TIAM1: variants seen among roughly 807,000 people sequenced by gnomAD.
The protein encoded by TIAM1 is TIAM Rac1 associated GEF 1, also known as rho guanine nucleotide exchange factor TIAM1.
A neutral mutation model predicts 163.5 loss-of-function variants in TIAM1; 65 were observed. That is an observed-to-expected ratio of 0.40 (90% CI 0.33 to 0.49). TIAM1 has a LOEUF of 0.49. Ranked by LOEUF, TIAM1 falls within the 20% of genes least tolerant of loss-of-function variation. TIAM1 has a pLI of 0.77. For missense variants in TIAM1, 1,789 were observed against 2,044.7 expected (o/e 0.87, Z 2.41); for synonymous variants, 833 against 810.1 (o/e 1.03, Z -0.48).
intron 12 of TIAM1, among the ~76,000 whole-genome samples, chr21:31,197,533 G>A (rs2085929044): frequency 1.7e-5 from 2 of 116,760 alleles, no homozygotes; most frequent in African/African-American, 8.1e-5. Context: ...CCGCCACCGC[G>A]CCCGGCTTTT....
At chr21:31,241,923 T>C (rs565637110) in intron 6 of TIAM1, among the ~76,000 whole-genome samples, 45 of 152,102 alleles carry the variant, frequency 3.0e-4, no homozygotes, top group Non-Finnish European at 4.7e-4. Flanking sequence ...GGTGGGAAGA[T>C]TGCTTGAGTC....
At chr21:31,348,787 A>G (rs1396609218), upstream of TIAM1, among the ~76,000 whole-genome samples, 1 of 152,196 alleles carries the variant, frequency 6.6e-6, no homozygotes, top group African/African-American at 2.4e-5. Context: ...AACAAGGTTC[A>G]CCTTTCTAGG....
chr21:31,347,485 T>G (rs932792056), upstream of TIAM1, among the ~76,000 whole-genome samples: 1 of 152,212 alleles, frequency 6.6e-6, no homozygotes, highest in Non-Finnish European at 1.5e-5. Flanking sequence ...AACCTGCAGT[T>G]CTGAAAGCCA....
chr21:31,546,055 A>G (rs1462094395), intron 1 of TIAM1, among the ~76,000 whole-genome samples: 1 of 137,916 alleles, frequency 7.3e-6, no homozygotes, highest in Non-Finnish European at 1.5e-5. Flanking sequence ...AAGAGAAAAA[A>G]ATTGTTTTAA....
At chr21:31,474,052 A>G (rs1394969338) in intron 1 of TIAM1, among the ~76,000 whole-genome samples, 1 of 152,160 alleles carries the variant, frequency 6.6e-6, no homozygotes. Context: ...TCACAAGGCG[A>G]GAGAGAGCGC....
intron 1 of TIAM1, among the ~76,000 whole-genome samples, chr21:31,530,783 A>G (rs1262626434): frequency 6.6e-6 from 1 of 152,294 alleles, no homozygotes; most frequent in East Asian, 1.9e-4. Flanking sequence ...TGGGCAGGCA[A>G]TGTTTCTGGA....
At chr21:31,182,895 A>G (rs1011715120) in intron 14 of TIAM1, among the ~76,000 whole-genome samples, 26 of 152,178 alleles carry the variant, frequency 1.7e-4, no homozygotes, top group Admixed American at 6.5e-4. Flanking sequence ...TTACTCCTTC[A>G]TTAATTTGTG....
intron 1 of TIAM1, among the ~76,000 whole-genome samples, chr21:31,507,169 C>T (rs764450937): frequency 3.6e-4 from 35 of 98,376 alleles, no homozygotes; most frequent in Middle Eastern, 0.013. Flanking sequence ...GAGGTGCATG[C>T]ACCTTTTTAA....
intron 1 of TIAM1, among the ~76,000 whole-genome samples, chr21:31,478,482 G>A (rs1410180764): frequency 2.0e-5 from 3 of 152,302 alleles, no homozygotes; most frequent in African/African-American, 2.4e-5. Flanking sequence ...AAGTCACATC[G>A]TAATACATAT....
intron 2 of TIAM1, among the ~76,000 whole-genome samples, chr21:31,394,694 TCTCTCTCTCTCTCG>T (rs1413726976): frequency 1.6e-5 from 2 of 128,878 alleles, no homozygotes; most frequent in Admixed American, 1.6e-4. Flanking sequence ...TCATTCTCTC[TCTCTCTCTCTCTCG>T]CTCTCTCTCT....
intron 6 of TIAM1, among the ~76,000 whole-genome samples, chr21:31,240,681 C>A (rs1371696791): frequency 6.6e-6 from 1 of 152,162 alleles, no homozygotes; most frequent in Admixed American, 6.5e-5. Context: ...CTCTTCACTC[C>A]AGGGGGTGCT....
At chr21:31,126,593 T>A (rs2082209473) in intron 26 of TIAM1, among the ~76,000 whole-genome samples, 1 of 151,606 alleles carries the variant, frequency 6.6e-6, no homozygotes, top group African/African-American at 2.4e-5. Flanking sequence ...AATATATATA[T>A]AAATAAAAGC....
intron 7 of TIAM1, among the ~76,000 whole-genome samples, chr21:31,224,307 T>G (rs1194781503): frequency 1.3e-5 from 2 of 152,178 alleles, no homozygotes; most frequent in Non-Finnish European, 2.9e-5. Flanking sequence ...TGTACACACA[T>G]GTTCATAGCA....
rs747236510 is a variant in TIAM1, at chr21:31,266,523, A to C, written c.450T>G (p.His150Gln). The C allele has an allele frequency of 6.2e-7, 1 of 1,614,132 alleles. No homozygotes were observed. The highest frequency in any genetic ancestry group is 8.5e-7 in the Non-Finnish European group (1 of 1,180,040). The change falls in exon 4 of 28, where the codon CAT (histidine) becomes CAG (glutamine). Residue 150 changes from histidine to glutamine, a missense_variant. Transcript: ENST00000541036. ...AAGTGGGCCCATTGGATGTATAGGA[A>C]TGCTGCCTCCTGCCTCCCTCAGCCA... The part of the protein sequence containing the change: ...TYLAEGGRRQ[H>Q]SYTSNGPTFM...
intron 2 of TIAM1, among the ~76,000 whole-genome samples, chr21:31,421,923 G>A (rs574618418): frequency 1.3e-5 from 2 of 152,028 alleles, no homozygotes; most frequent in Admixed American, 6.5e-5. Flanking sequence ...CCAGGAGGTC[G>A]AGACTGCAGT....
chr21:31,202,863 GATAATCTCCC>G, intron 12 of TIAM1, 35 bp downstream of exon 12: 5 of 1,527,204 alleles, frequency 3.3e-6, no homozygotes, highest in Non-Finnish European at 4.5e-6. Flanking sequence ...ATAATTTGAA[GATAATCTCCC>G]ATAAAGTGTG....
chr21:31,452,222 G>A (rs1002717308), intron 2 of TIAM1, among the ~76,000 whole-genome samples: 4 of 152,088 alleles, frequency 2.6e-5, no homozygotes, highest in African/African-American at 7.2e-5. Flanking sequence ...GCAAACTGCC[G>A]AGCTCAGGAG....
chr21:31,310,347 G>A (rs2074876915), intron 2 of TIAM1, among the ~76,000 whole-genome samples: 1 of 152,180 alleles, frequency 6.6e-6, no homozygotes, highest in South Asian at 2.1e-4. Context: ...ATGACCACAT[G>A]GCGAGAGAGA....
At chr21:31,254,910 C>T (rs968585362) in intron 4 of TIAM1, among the ~76,000 whole-genome samples, 2 of 152,152 alleles carry the variant, frequency 1.3e-5, no homozygotes, top group Non-Finnish European at 2.9e-5. Flanking sequence ...CTCTCAAGGG[C>T]GTGTCTCATA....
Sources: allele counts gnomAD v4.1 joint callset (sites outside exome capture counted in the v4.1 genomes callset), GRCh38; gene constraint gnomAD v4.1.1; transcripts MANE v1.5; gene names NCBI Gene and HGNC (gene_info 2026-07-23, HGNC 2026-07-21).